Variants in LRMDA observed in about 807,000 individuals in gnomAD.
The protein encoded by LRMDA is leucine-rich melanocyte differentiation-associated protein.
In LRMDA, 18 loss-of-function variants were observed where a neutral mutation model predicts 29.8. The ratio of observed to expected loss-of-function variants is 0.60; its 90% confidence interval spans 0.42 to 0.90. The LOEUF (loss-of-function observed/expected upper bound fraction) is 0.90, where lower values mean the gene tolerates loss of function less well. Among genes scored for constraint, LRMDA ranks in the 40% least tolerant of loss-of-function variants. The pLI is 0.00. For missense variants in LRMDA, 273 were observed against 273.9 expected, an observed-to-expected ratio of 1.00 and a Z score of 0.02; for synonymous variants, 125 against 109.4, an observed-to-expected ratio of 1.14 and a Z score of -0.89.
At chr10:76,467,103 A>AT (rs1842572001) in intron 6 of LRMDA, among the ~76,000 whole-genome samples, 2 of 152,234 alleles carry the variant, frequency 1.3e-5, no homozygotes, top group Middle Eastern at 3.2e-3. Context: ...CTTAGGATTA[A>AT]TTTTTGAAGT....
chr10:76,102,672 A>T (rs1233540791), intron 5 of LRMDA, among the ~76,000 whole-genome samples: 1 of 151,888 alleles, frequency 6.6e-6, no homozygotes, highest in African/African-American at 2.4e-5. Context: ...GTTTGTTTTG[A>T]GACAGGGTCT....
chr10:75,465,470 A>G (rs1276299820), intron 2 of LRMDA, among the ~76,000 whole-genome samples: 2 of 152,202 alleles, frequency 1.3e-5, no homozygotes, highest in Non-Finnish European at 2.9e-5. Flanking sequence ...GTACATAGGA[A>G]GACCATTTTA....
intron 2 of LRMDA, among the ~76,000 whole-genome samples, chr10:75,562,425 C>G (rs1840310528): frequency 6.6e-6 from 1 of 152,022 alleles, no homozygotes; most frequent in African/African-American, 2.4e-5. Flanking sequence ...CTATGTGTGT[C>G]TCTGCACGTG....
chr10:76,195,245 C>T (rs1048160582), intron 5 of LRMDA, among the ~76,000 whole-genome samples: 5 of 152,150 alleles, frequency 3.3e-5, no homozygotes, highest in East Asian at 1.9e-4. Flanking sequence ...ACACAACTTC[C>T]GGTTCTGGTG....
intron 2 of LRMDA, among the ~76,000 whole-genome samples, chr10:75,690,597 G>T (rs951491202): frequency 1.3e-5 from 2 of 152,054 alleles, no homozygotes; most frequent in African/African-American, 2.4e-5. Context: ...TTACATGCGT[G>T]AGCCACTGTG....
At chr10:76,240,159 A>G (rs1401346409) in intron 5 of LRMDA, among the ~76,000 whole-genome samples, 1 of 151,292 alleles carries the variant, frequency 6.6e-6, no homozygotes, top group East Asian at 1.9e-4. Context: ...ATTATCAAGG[A>G]AATGCAAATC....
At chr10:75,627,978 A>T (rs1841272963) in intron 2 of LRMDA, among the ~76,000 whole-genome samples, 1 of 152,210 alleles carries the variant, frequency 6.6e-6, no homozygotes, top group Non-Finnish European at 1.5e-5. Flanking sequence ...TGTCTTGGTC[A>T]ACATATCTCC....
intron 4 of LRMDA, among the ~76,000 whole-genome samples, chr10:76,052,045 G>A (rs1363748112): frequency 6.6e-6 from 1 of 152,200 alleles, no homozygotes; most frequent in African/African-American, 2.4e-5. Context: ...CAGTGAGGAA[G>A]CATGATGTTT....
At chr10:75,598,878 T>C (rs1008995385) in intron 2 of LRMDA, among the ~76,000 whole-genome samples, 47 of 152,224 alleles carry the variant, frequency 3.1e-4, no homozygotes, top group African/African-American at 1.0e-3. Flanking sequence ...GCAAAGCACC[T>C]GGGCTTCTGT....
intron 5 of LRMDA, among the ~76,000 whole-genome samples, chr10:76,116,217 T>G (rs1849666148): frequency 6.6e-6 from 1 of 152,178 alleles, no homozygotes; most frequent in South Asian, 2.1e-4. Flanking sequence ...ATATTTCAAT[T>G]TACTGCTTTC....
intron 5 of LRMDA, among the ~76,000 whole-genome samples, chr10:76,077,991 CA>C (rs1848986070): frequency 3.6e-5 from 3 of 83,466 alleles, no homozygotes; most frequent in African/African-American, 4.6e-5. Flanking sequence ...GCAATATTAA[CA>C]TTTTTTTTTT....
chr10:76,274,133 A>G lies in LRMDA; in HGVS notation c.517-50268A>G, dbSNP rs78763477. On this transcript the variant is annotated intron_variant, in intron 5 of 6. Transcript: ENST00000611255. Reference sequence around the variant, plus strand: ...TTCATAGTATATCCTAGACTGTTTCAGGATCACCAGTTCCAAATATTGGAG... The same window carrying G: ...TTCATAGTATATCCTAGACTGTTTCGGGATCACCAGTTCCAAATATTGGAG... Among the ~76,000 whole-genome samples, 516 of 152,292 alleles carry G rather than the reference A, an allele frequency of 3.4e-3. 26 individuals carry two copies. The East Asian group carries it at 0.077, about 23-fold the overall frequency.
intron 2 of LRMDA, among the ~76,000 whole-genome samples, chr10:75,714,668 T>C (rs1220221740): frequency 1.3e-5 from 2 of 152,268 alleles, no homozygotes; most frequent in Non-Finnish European, 2.9e-5. Flanking sequence ...GCATTTAGGC[T>C]ACTTAAATTT....
intron 2 of LRMDA, among the ~76,000 whole-genome samples, chr10:75,939,808 C>T (rs1846357924): frequency 6.6e-6 from 1 of 152,158 alleles, no homozygotes; most frequent in Non-Finnish European, 1.5e-5. Context: ...ATCCTCTGTA[C>T]AGCATCAACC....
At chr10:76,043,326 A>T (rs1249326772) in intron 3 of LRMDA, among the ~76,000 whole-genome samples, 2 of 152,174 alleles carry the variant, frequency 1.3e-5, no homozygotes, top group South Asian at 2.1e-4. Flanking sequence ...ATTCCTACTG[A>T]TACTGTTGGA....
At chr10:75,649,186 T>G (rs1414726136) in intron 2 of LRMDA, among the ~76,000 whole-genome samples, 2 of 152,230 alleles carry the variant, frequency 1.3e-5, no homozygotes, top group Non-Finnish European at 2.9e-5. Context: ...CACCACTGAG[T>G]ACCTCATATG....
At chr10:75,505,742 C>T (rs1292527631) in intron 2 of LRMDA, among the ~76,000 whole-genome samples, 2 of 152,158 alleles carry the variant, frequency 1.3e-5, no homozygotes, top group Non-Finnish European at 2.9e-5. Flanking sequence ...CCTGATCCCT[C>T]CACCCCTACT....
intron 2 of LRMDA, among the ~76,000 whole-genome samples, chr10:75,861,638 GA>G (rs917363305): frequency 1.5e-4 from 22 of 151,318 alleles, no homozygotes; most frequent in South Asian, 4.2e-4. Flanking sequence ...ACTAGAACAA[GA>G]AAAAAAAAGA....
intron 2 of LRMDA, among the ~76,000 whole-genome samples, chr10:75,837,760 TA>T (rs34216180): frequency 0.4 from 59,483 of 150,108 alleles, 12,859 homozygotes; most frequent in South Asian, 0.5. Flanking sequence ...CACATTAAAA[TA>T]AAAAAAAAAA....
Sources: allele counts gnomAD v4.1 joint callset (sites outside exome capture counted in the v4.1 genomes callset), GRCh38; gene constraint gnomAD v4.1.1; transcripts MANE v1.5; gene names NCBI Gene and HGNC (gene_info 2026-07-23, HGNC 2026-07-21).